NCAM2: variants seen among roughly 807,000 people sequenced by gnomAD.
NCAM2 encodes neural cell adhesion molecule 2.
A neutral mutation model predicts 98.1 loss-of-function variants in NCAM2; 30 were observed. The ratio of observed to expected loss-of-function variants is 0.31; its 90% confidence interval spans 0.23 to 0.41. NCAM2 has a LOEUF of 0.41. Among genes scored for constraint, NCAM2 ranks in the 10% least tolerant of loss-of-function variants. The pLI is 1.00. For missense variants in NCAM2, 867 were observed against 1,005.8 expected (o/e 0.86, Z 1.87); for synonymous variants, 368 against 342.4 (o/e 1.07, Z -0.83).
At chr21:21,022,015 A>G (rs925936284) in intron 1 of NCAM2, among the ~76,000 whole-genome samples, 1 of 152,126 alleles carries the variant, frequency 6.6e-6, no homozygotes, top group Non-Finnish European at 1.5e-5. Context: ...GATTGAAAAC[A>G]GTAACACAAG....
chr21:21,075,617 A>G (rs1461921802), intron 1 of NCAM2, among the ~76,000 whole-genome samples: 1 of 152,156 alleles, frequency 6.6e-6, no homozygotes, highest in Non-Finnish European at 1.5e-5. Flanking sequence ...CCTTTTATTA[A>G]AATGAGGAAA....
At chr21:21,308,333 C>G (rs1188580048) in intron 5 of NCAM2, among the ~76,000 whole-genome samples, 1 of 152,060 alleles carries the variant, frequency 6.6e-6, no homozygotes, top group Non-Finnish European at 1.5e-5. Context: ...AGTTCACCTA[C>G]TGTATGTCTG....
chr21:21,055,549 AATCT>A (rs1433253238), intron 1 of NCAM2, among the ~76,000 whole-genome samples: 1 of 152,070 alleles, frequency 6.6e-6, no homozygotes, highest in Non-Finnish European at 1.5e-5. Flanking sequence ...TTTTCTTCTC[AATCT>A]AACTTCTTAA....
intron 1 of NCAM2, among the ~76,000 whole-genome samples, chr21:21,118,299 G>T (rs764282779): frequency 2.6e-5 from 4 of 152,072 alleles, no homozygotes; most frequent in Non-Finnish European, 4.4e-5. Flanking sequence ...CTGTCCTAAC[G>T]AGTTATTTAT....
chr21:21,097,158 C>G (rs2066141237), intron 1 of NCAM2, among the ~76,000 whole-genome samples: 1 of 151,678 alleles, frequency 6.6e-6, no homozygotes, highest in Admixed American at 6.6e-5. Flanking sequence ...ACAGGCTTTC[C>G]CTTCTGCACG....
chr21:21,521,758 A>T (rs1262504722), intron 16 of NCAM2, among the ~76,000 whole-genome samples: 1 of 152,032 alleles, frequency 6.6e-6, no homozygotes, highest in Non-Finnish European at 1.5e-5. Flanking sequence ...AAGAAACAGA[A>T]CATAATATCC....
rs577204843 is a variant in NCAM2, at chr21:21,036,919, A to G, written c.55+38301A>G. 2.4e-4 allele frequency among the ~76,000 whole-genome samples: 36 copies of G among 152,312 alleles called. 1 individual carries two copies. In the South Asian group the frequency reaches 7.3e-3, roughly 31 times the overall value. ...ATAAATCCTGGCTGTTTATTTCACT[A>G]ATATAGGTTTTTCTCTACAGAAGCA... On this transcript the variant is annotated intron_variant, in intron 1 of 17. Transcript: ENST00000400546.
chr21:21,317,723 C>A (rs943334724), intron 5 of NCAM2, among the ~76,000 whole-genome samples: 9 of 151,866 alleles, frequency 5.9e-5, no homozygotes, highest in African/African-American at 1.9e-4. Flanking sequence ...TTTGTAGCGA[C>A]AGGCTCTCAT....
chr21:21,294,408 A>G (rs2073402552), intron 5 of NCAM2, among the ~76,000 whole-genome samples: 1 of 151,996 alleles, frequency 6.6e-6, no homozygotes, highest in East Asian at 1.9e-4. Flanking sequence ...TTTCTGATCA[A>G]TCATGCAAAT....
chr21:21,475,402 CT>C (rs1985038282), intron 14 of NCAM2, among the ~76,000 whole-genome samples: 1 of 152,096 alleles, frequency 6.6e-6, no homozygotes. Flanking sequence ...TTGCACATGT[CT>C]TGGTCACTAT....
chr21:21,051,671 T>C (rs926106453), intron 1 of NCAM2, among the ~76,000 whole-genome samples: 1 of 152,214 alleles, frequency 6.6e-6, no homozygotes, highest in Non-Finnish European at 1.5e-5. Context: ...TGGCAAACAG[T>C]GTTGCTTGCA....
At chr21:21,074,616 G>T (rs2065640552) in intron 1 of NCAM2, among the ~76,000 whole-genome samples, 1 of 152,144 alleles carries the variant, frequency 6.6e-6, no homozygotes, top group Admixed American at 6.5e-5. Context: ...ATTTCATTAT[G>T]GGAGTCGGGT....
At chr21:21,489,115 C>G (rs1279072159) in intron 15 of NCAM2, among the ~76,000 whole-genome samples, 1 of 152,058 alleles carries the variant, frequency 6.6e-6, no homozygotes, top group Non-Finnish European at 1.5e-5. Flanking sequence ...CTCGGCCTGC[C>G]TAGTAGCTGG....
chr21:21,192,824 T>A (rs1261605736), intron 1 of NCAM2, among the ~76,000 whole-genome samples: 1 of 152,134 alleles, frequency 6.6e-6, no homozygotes, highest in Non-Finnish European at 1.5e-5. Flanking sequence ...TCAGACCTAA[T>A]AATTATTACA....
chr21:21,388,119 T>C (rs1372040321), intron 9 of NCAM2, among the ~76,000 whole-genome samples: 1 of 152,070 alleles, frequency 6.6e-6, no homozygotes, highest in Non-Finnish European at 1.5e-5. Context: ...AGAGAGGATA[T>C]CATCTTATGG....
intron 15 of NCAM2, among the ~76,000 whole-genome samples, chr21:21,497,799 T>C (rs143363475): frequency 5.3e-4 from 80 of 152,238 alleles, no homozygotes; most frequent in African/African-American, 1.9e-3. Flanking sequence ...AAAGTACACA[T>C]AAAATGGTAC....
chr21:21,222,199 G>T (rs1601689490), intron 1 of NCAM2, among the ~76,000 whole-genome samples: 1 of 152,204 alleles, frequency 6.6e-6, no homozygotes, highest in East Asian at 1.9e-4. Context: ...AGTGAATCTT[G>T]TCACCCAAGA....
chr21:21,507,332 A>G (rs1988044232), intron 15 of NCAM2, among the ~76,000 whole-genome samples: 1 of 152,186 alleles, frequency 6.6e-6, no homozygotes, highest in South Asian at 2.1e-4. Context: ...AAAACTTTTT[A>G]TACATATATA....
rs3819150 is a variant in NCAM2, at chr21:21,335,903, A to G, written c.898+238A>G. On this transcript the variant is annotated intron_variant, in intron 7 of 17. Coordinates refer to ENST00000400546, the MANE Select transcript of NCAM2 (RefSeq NM_004540.5). The stretch of plus-strand genomic sequence containing the variant: ...TACAGAAGCTGGAAAAAAATAATTT[A>G]AATTACACCTAGTGGGGTTTGTCAT... Among the ~76,000 whole-genome samples the G allele has an allele frequency of 6.4e-3, 977 of 152,314 alleles. 73 individuals are homozygous for G. The East Asian group carries it at 0.15, about 24-fold the overall frequency.
Sources: gnomAD v4.1 joint callset for allele counts (sites outside exome capture counted in the v4.1 genomes callset) on GRCh38, gnomAD v4.1.1 for gene constraint, MANE v1.5 for transcripts, NCBI Gene and HGNC (gene_info 2026-07-23, HGNC 2026-07-21) for gene names.